The following SCAF11 variants were observed in gnomAD, a reference collection of about 807,000 sequenced individuals.
The protein encoded by SCAF11 is protein SCAF11.
In SCAF11, 47 loss-of-function variants were observed where a neutral mutation model predicts 140.5. The observed-to-expected ratio is 0.33, with a 90% CI of 0.26 to 0.43. The LOEUF (loss-of-function observed/expected upper bound fraction) is 0.43, where lower values mean the gene tolerates loss of function less well. SCAF11 is among the 20% of genes least tolerant of loss of function. The pLI is 1.00. For synonymous variants in SCAF11, 557 were observed against 579.4 expected, an observed-to-expected ratio of 0.96 and a Z score of 0.55; for missense variants, 1,645 against 1,705.1, an observed-to-expected ratio of 0.96 and a Z score of 0.62.
intron 4 of SCAF11, 57 bp downstream of exon 4, chr12:45,951,587 ATCAAAG>A (rs1945550088): frequency 1.8e-6 from 2 of 1,109,724 alleles, no homozygotes; most frequent in Non-Finnish European, 2.6e-6. Flanking sequence ...CAAACTGGAA[ATCAAAG>A]TCAAACAGCT....
chr12:45,967,689 T>C (rs1311151788), intron 1 of SCAF11, among the ~76,000 whole-genome samples: 1 of 152,158 alleles, frequency 6.6e-6, no homozygotes, highest in Non-Finnish European at 1.5e-5. Context: ...CATTCCAAAG[T>C]TTTAGAAGTT....
intron 12 of SCAF11, 26 bp downstream of exon 12, chr12:45,924,702 T>C (rs553429162): frequency 1.9e-6 from 3 of 1,561,822 alleles, no homozygotes; most frequent in African/African-American, 2.7e-5. Flanking sequence ...GCTATATTGA[T>C]TAAACTTGAG....
intron 6 of SCAF11, among the ~76,000 whole-genome samples, chr12:45,936,097 T>C (rs182960324): frequency 2.0e-3 from 297 of 152,236 alleles, no homozygotes; most frequent in Non-Finnish European, 3.1e-3. Flanking sequence ...TTCTAACATT[T>C]ACTTATTACT....
At position 45,922,957 on chromosome 12, in the gene SCAF11, T is replaced by G; in HGVS notation, c.4104A>C (p.Ala1368=). 2 of 1,614,240 alleles carry G rather than the reference T, an allele frequency of 1.2e-6. No individual in the cohort carries two copies. Among genetic ancestry groups the G allele is most frequent in the Non-Finnish European group, 1.7e-6 (2 of 1,180,034 alleles). ...SKVSVAVEAS[A]DSSKTDKKLQ... ...TTGCCTTGTCTGTCTTCGAGCTATCTGCGCTGGCTTCCACTGCAACACTTA... is the reference window on the plus strand; with the variant it reads ...TTGCCTTGTCTGTCTTCGAGCTATCGGCGCTGGCTTCCACTGCAACACTTA... Residue 1368 remains alanine (A), a synonymous_variant, in exon 13 of 15, where the codon GCA becomes GCC. Coordinates refer to ENST00000369367, the MANE Select transcript of SCAF11 (RefSeq NM_004719.3).
chr12:45,962,245 ACT>A (rs1419559018), intron 2 of SCAF11, among the ~76,000 whole-genome samples: 2 of 151,996 alleles, frequency 1.3e-5, no homozygotes, highest in African/African-American at 2.4e-5. Context: ...GCTAATACAA[ACT>A]CTTCCACATT....
intron 1 of SCAF11, among the ~76,000 whole-genome samples, chr12:45,985,674 AAC>A (rs1360161564): frequency 2.0e-5 from 3 of 152,232 alleles, no homozygotes; most frequent in African/African-American, 7.2e-5. Context: ...AAATGTCTAC[AAC>A]AGAGTGGCTG....
intron 3 of SCAF11, chr12:45,955,420 G>A (rs958272345): frequency 6.6e-6 from 1 of 152,434 alleles, no homozygotes; most frequent in Non-Finnish European, 1.5e-5. Flanking sequence ...AAAGTGTTGG[G>A]ATTACAAGCG....
chr12:45,989,931 T>G (rs1210351452), intron 1 of SCAF11, among the ~76,000 whole-genome samples: 2 of 152,074 alleles, frequency 1.3e-5, no homozygotes, highest in African/African-American at 4.8e-5. Context: ...ACGTTTCCAC[T>G]GCAGGGAGGA....
chr12:45,923,409 C>G (rs1002803236), intron 12 of SCAF11, among the ~76,000 whole-genome samples: 1 of 152,004 alleles, frequency 6.6e-6, no homozygotes, highest in Non-Finnish European at 1.5e-5. Context: ...GACAGCAATA[C>G]TAAACACAAG....
At chr12:45,937,687 C>T (rs1945202056) in intron 6 of SCAF11, among the ~76,000 whole-genome samples, 1 of 152,126 alleles carries the variant, frequency 6.6e-6, no homozygotes, top group South Asian at 2.1e-4. Flanking sequence ...TCCCTTATTT[C>T]CTACTTTGGA....
chr12:45,936,158 T>C (rs2136534146), intron 6 of SCAF11, among the ~76,000 whole-genome samples: 1 of 152,064 alleles, frequency 6.6e-6, no homozygotes, highest in East Asian at 1.9e-4. Flanking sequence ...TTTTTTTTTT[T>C]TGAAACAGAA....
rs749308119 is a variant in SCAF11, at chr12:45,961,846, C to T, written c.73G>A (p.Gly25Arg). ...KYEDMEGEENGDNTISTGLLY... is the reference protein window; with the variant it reads ...KYEDMEGEENRDNTISTGLLY... ...AGACCAGTGGAAATAGTATTATCTC[C>T]GTTTTCTTCACCTGTTAAAGTAAAA... The change falls in exon 3 of 15, where the codon GGA (glycine) becomes AGA (arginine). Residue 25 changes from glycine (G) to arginine (R), a missense_variant. Gly to Arg is a moderately radical substitution (Grantham distance 125). Around this residue, in one of 2 missense-constraint regions of SCAF11, gnomAD observed 1,582 missense variants for 1,609.2 expected, o/e 0.98. Transcript: ENST00000369367. 18 of 1,598,296 alleles carry T rather than the reference C, an allele frequency of 1.1e-5. No individual in the cohort carries two copies. Among genetic ancestry groups the T allele is most frequent in the South Asian group, 4.6e-5 (4 of 87,496 alleles).
chr12:45,967,793 G>A (rs971081907), intron 1 of SCAF11, among the ~76,000 whole-genome samples: 1 of 152,170 alleles, frequency 6.6e-6, no homozygotes, highest in African/African-American at 2.4e-5. Flanking sequence ...AAAATGACAG[G>A]AACTTAGCAT....
At chr12:45,984,780 C>G (rs989494184) in intron 1 of SCAF11, among the ~76,000 whole-genome samples, 1 of 151,760 alleles carries the variant, frequency 6.6e-6, no homozygotes, top group African/African-American at 2.4e-5. Context: ...CTGCAAACTC[C>G]ACCTCCCAGG....
intron 1 of SCAF11, among the ~76,000 whole-genome samples, chr12:45,984,415 T>C (rs1946416846): frequency 6.6e-6 from 1 of 152,236 alleles, no homozygotes; most frequent in African/African-American, 2.4e-5. Context: ...TTTCTCATTG[T>C]GTCCTGTCAA....
upstream of SCAF11, chr12:45,991,807 T>C (rs940211433): frequency 2.8e-6 from 3 of 1,087,970 alleles, no homozygotes; most frequent in Non-Finnish European, 3.5e-6. Flanking sequence ...CCAGCTGACC[T>C]TCCAGTCCTC....
intron 1 of SCAF11, among the ~76,000 whole-genome samples, chr12:45,979,286 G>A (rs1221335336): frequency 6.6e-6 from 1 of 151,650 alleles, no homozygotes; most frequent in Non-Finnish European, 1.5e-5. Flanking sequence ...CATGAATTTT[G>A]GAGAGGGCAT....
At chr12:45,936,298 C>T (rs1314626238) in intron 6 of SCAF11, among the ~76,000 whole-genome samples, 12 of 151,940 alleles carry the variant, frequency 7.9e-5, no homozygotes, top group African/African-American at 2.2e-4. Context: ...CACACCACCA[C>T]GCCCGGCTAA....
intron 1 of SCAF11, among the ~76,000 whole-genome samples, chr12:45,972,722 G>C (rs1395857537): frequency 6.8e-6 from 1 of 147,666 alleles, no homozygotes; most frequent in Non-Finnish European, 1.5e-5. Context: ...ACTTGGCATA[G>C]AGAGAGGTGG....
Sources: gnomAD v4.1 joint callset for allele counts (sites outside exome capture counted in the v4.1 genomes callset) on GRCh38, gnomAD v4.1.1 for gene constraint, gnomAD v4.1.1 regional missense constraint, MANE v1.5 for transcripts, NCBI Gene and HGNC (gene_info 2026-07-23, HGNC 2026-07-21) for gene names.